ACER2: variants seen among roughly 807,000 people sequenced by gnomAD.
The protein encoded by ACER2 is alkCDase 2.
Under a neutral mutation model 34.7 loss-of-function variants are expected in ACER2, and 26 were observed. The ratio of observed to expected loss-of-function variants is 0.75; its 90% CI spans 0.55 to 1.04. The LOEUF is 1.04. ACER2 is among the 50% of genes least tolerant of loss of function. ACER2 has a pLI of 0.00. For missense variants in ACER2, 352 were observed against 340.8 expected (o/e 1.03, Z -0.26); for synonymous variants, 138 against 132.1 (o/e 1.04, Z -0.31).
At chr9:19,428,387 C>G (rs1311393633) in intron 3 of ACER2, among the ~76,000 whole-genome samples, 1 of 151,970 alleles carries the variant, frequency 6.6e-6, no homozygotes, top group Admixed American at 6.6e-5. Context: ...AGGCTGGTCT[C>G]GAACTCCTCA....
At chr9:19,446,725 C>G (rs995981641) in intron 5 of ACER2, 3 of 779,754 alleles carry the variant, frequency 3.8e-6, no homozygotes, top group Non-Finnish European at 4.7e-6. Context: ...AACCTGAGCT[C>G]TAGCTAGGTG....
At chr9:19,426,461 C>T (rs1385326797) in intron 3 of ACER2, among the ~76,000 whole-genome samples, 1 of 150,880 alleles carries the variant, frequency 6.6e-6, no homozygotes, top group East Asian at 1.9e-4. Flanking sequence ...ACCCACCAGT[C>T]ACCATGATGC....
chr9:19,436,677 T>A (rs973277766), intron 4 of ACER2, among the ~76,000 whole-genome samples: 1 of 152,250 alleles, frequency 6.6e-6, no homozygotes, highest in Non-Finnish European at 1.5e-5. Flanking sequence ...ATCTAGGTCC[T>A]CGTTTTAAAT....
chr9:19,446,110 A>G (rs1831349918), intron 4 of ACER2, 171 bp from the exon 5 acceptor site: 2 of 967,150 alleles, frequency 2.1e-6, no homozygotes, highest in Non-Finnish European at 3.3e-6. Context: ...ATCTGTGTAC[A>G]TATGGTATTT....
intron 1 of ACER2, among the ~76,000 whole-genome samples, chr9:19,412,137 C>T (rs1429688226): frequency 6.6e-6 from 1 of 152,108 alleles, no homozygotes; most frequent in Admixed American, 6.5e-5. Context: ...ACTTAAAACT[C>T]CTGTCTTGGG....
intron 1 of ACER2, among the ~76,000 whole-genome samples, chr9:19,416,573 T>A (rs1830245964): frequency 6.6e-6 from 1 of 152,158 alleles, no homozygotes; most frequent in Non-Finnish European, 1.5e-5. Context: ...TCGCCCAGGC[T>A]GGAGTGCAAT....
intron 3 of ACER2, among the ~76,000 whole-genome samples, chr9:19,433,024 C>T (rs1321555617): frequency 2.0e-5 from 3 of 151,984 alleles, no homozygotes; most frequent in African/African-American, 7.2e-5. Context: ...CCATATCTCA[C>T]CTTCAGTGAA....
intron 4 of ACER2, among the ~76,000 whole-genome samples, chr9:19,441,145 G>A (rs1227080570): frequency 6.6e-6 from 1 of 151,548 alleles, no homozygotes; most frequent in East Asian, 1.9e-4. Context: ...CGCCTCCCGG[G>A]TTCAAGCGAT....
chr9:19,422,475 T>C (rs1258763767), intron 1 of ACER2, among the ~76,000 whole-genome samples: 1 of 152,184 alleles, frequency 6.6e-6, no homozygotes, highest in African/African-American at 2.4e-5. Context: ...ATCTGCAAGA[T>C]AAAATAATAT....
At chr9:19,409,850 A>T (rs1022811923) in intron 1 of ACER2, 13 of 985,248 alleles carry the variant, frequency 1.3e-5, no homozygotes, top group Non-Finnish European at 1.4e-5. Context: ...TGAGGGATGA[A>T]AGGAAAGTTT....
At chr9:19,424,542 C>T in intron 2 of ACER2, 158 bp from the exon 3 acceptor site, 1 of 985,334 alleles carries the variant, frequency 1.0e-6, no homozygotes, top group Non-Finnish European at 1.2e-6. Flanking sequence ...GGCATGCATG[C>T]TTGGGTGGTG....
chr9:19,416,743 G>A (rs1407819343), intron 1 of ACER2, among the ~76,000 whole-genome samples: 1 of 151,584 alleles, frequency 6.6e-6, no homozygotes, highest in Non-Finnish European at 1.5e-5. Context: ...ATGTTGGCCA[G>A]GCTGGTCTCA....
chr9:19,423,816 T>C, intron 1 of ACER2, 46 bp from the exon 2 acceptor site: 1 of 1,507,706 alleles, frequency 6.6e-7, no homozygotes, highest in South Asian at 1.1e-5. Context: ...TTTTTTGCCC[T>C]TTTTACTTAA....
At chr9:19,437,224 G>A (rs1280437997) in intron 4 of ACER2, among the ~76,000 whole-genome samples, 1 of 152,152 alleles carries the variant, frequency 6.6e-6, no homozygotes, top group Non-Finnish European at 1.5e-5. Flanking sequence ...AACTGTAATA[G>A]GCAAGATTAC....
intron 1 of ACER2, among the ~76,000 whole-genome samples, chr9:19,419,500 T>G (rs557984263): frequency 6.6e-6 from 1 of 152,134 alleles, no homozygotes; most frequent in South Asian, 2.1e-4. Context: ...GCATGGGAGC[T>G]CACACCTGTA....
chr9:19,417,102 A>C (rs1474770372), intron 1 of ACER2, among the ~76,000 whole-genome samples: 2 of 152,218 alleles, frequency 1.3e-5, no homozygotes, highest in Non-Finnish European at 2.9e-5. Context: ...GAGGCAAATC[A>C]CAAGTGAACT....
intron 3 of ACER2, among the ~76,000 whole-genome samples, chr9:19,429,041 G>A (rs1322560685): frequency 2.0e-5 from 3 of 151,754 alleles, no homozygotes; most frequent in African/African-American, 7.3e-5. Context: ...GCTCGCCTCG[G>A]CCTCCCAAAG....
At position 19,409,029 on chromosome 9, in the gene ACER2, C is replaced by A; in HGVS notation, c.-56C>A. 7.1e-7 allele frequency: 1 copy of A among 1,413,788 alleles called. No homozygotes were observed. The highest frequency in any genetic ancestry group is 9.4e-7 in the Non-Finnish European group (1 of 1,065,724). 87.6% of individuals were successfully genotyped at this position (1,413,788 alleles called of 1,614,324 possible). On this transcript the variant is annotated 5_prime_UTR_variant, in exon 1 of 6. Coordinates refer to ENST00000340967, the MANE Select transcript of ACER2 (RefSeq NM_001010887.3). ...CTGTCGCCGCGTTTTGCCTCCGCAGCAGCTCTGGGCTCTTCTCAGCTGCGC... is the reference window on the plus strand; with the variant it reads ...CTGTCGCCGCGTTTTGCCTCCGCAGAAGCTCTGGGCTCTTCTCAGCTGCGC...
chr9:19,423,055 A>T (rs904070960), intron 1 of ACER2, among the ~76,000 whole-genome samples: 2 of 151,600 alleles, frequency 1.3e-5, no homozygotes, highest in African/African-American at 4.9e-5. Flanking sequence ...AAAAAAAGTA[A>T]ATGGAGCCAG....
Sources: allele counts gnomAD v4.1 joint callset (sites outside exome capture counted in the v4.1 genomes callset), GRCh38; gene constraint gnomAD v4.1.1; transcripts MANE v1.5; gene names NCBI Gene and HGNC (gene_info 2026-07-23, HGNC 2026-07-21).